Variants in WWOX observed in about 807,000 individuals in gnomAD.
WWOX encodes WW domain containing oxidoreductase, also known as WW domain-containing oxidoreductase.
WWOX carries 69 observed loss-of-function variants against 46.2 expected under a neutral mutation model. That is an observed-to-expected ratio of 1.49 (90% CI 1.23 to 1.82). The LOEUF is 1.82. Among genes scored for constraint, WWOX ranks in the 40% most tolerant of loss-of-function variants. The pLI is 0.00. For synonymous variants in WWOX, 359 were observed against 202.6 expected, an observed-to-expected ratio of 1.77 and a Z score of -6.56; for missense variants, 919 against 542.6, an observed-to-expected ratio of 1.69 and a Z score of -6.89.
At chr16:78,638,044 C>T (rs555650168) in intron 8 of WWOX, among the ~76,000 whole-genome samples, 1 of 152,200 alleles carries the variant, frequency 6.6e-6, no homozygotes, top group Non-Finnish European at 1.5e-5. Flanking sequence ...CTCACATCAT[C>T]CACTTCTCTC....
chr16:78,372,890 T>A (rs1051382906), intron 5 of WWOX, among the ~76,000 whole-genome samples: 16 of 152,218 alleles, frequency 1.1e-4, no homozygotes, highest in African/African-American at 3.9e-4. Flanking sequence ...ACTATGAGGC[T>A]ATTTGGAATA....
intron 8 of WWOX, among the ~76,000 whole-genome samples, chr16:79,029,113 A>G (rs547009648): frequency 2.9e-4 from 44 of 152,316 alleles, no homozygotes; most frequent in Admixed American, 2.4e-3. Context: ...GAGGTATCTC[A>G]GGATAGCAAC....
At chr16:78,458,801 A>G (rs527320260) in intron 8 of WWOX, among the ~76,000 whole-genome samples, 47 of 152,198 alleles carry the variant, frequency 3.1e-4, no homozygotes, top group Non-Finnish European at 3.4e-4. Context: ...GCCACTTTTT[A>G]TCTGTGTGTG....
chr16:79,043,823 C>T (rs1567510245), intron 8 of WWOX, among the ~76,000 whole-genome samples: 1 of 152,200 alleles, frequency 6.6e-6, no homozygotes, highest in Admixed American at 6.5e-5. Context: ...TATTCTAAGA[C>T]AGGCTTAGAT....
intron 8 of WWOX, among the ~76,000 whole-genome samples, chr16:79,132,681 T>C (rs2049904911): frequency 1.3e-5 from 2 of 152,276 alleles, no homozygotes; most frequent in East Asian, 1.9e-4. Context: ...ATTACTTATA[T>C]TGTCGCTTAA....
intron 8 of WWOX, among the ~76,000 whole-genome samples, chr16:79,049,312 A>G (rs754564854): frequency 2.6e-5 from 4 of 152,216 alleles, no homozygotes; most frequent in African/African-American, 4.8e-5. Flanking sequence ...TAATAGTGCA[A>G]GCAGCACGTG....
intron 8 of WWOX, among the ~76,000 whole-genome samples, chr16:78,910,454 C>T (rs756813789): frequency 4.0e-5 from 6 of 151,386 alleles, no homozygotes; most frequent in East Asian, 1.9e-4. Context: ...CTTGTTCATC[C>T]GTATTAGAAC....
chr16:78,682,198 G>A (rs948242214), intron 8 of WWOX, among the ~76,000 whole-genome samples: 5 of 151,986 alleles, frequency 3.3e-5, no homozygotes, highest in African/African-American at 4.8e-5. Flanking sequence ...TGCTACAATC[G>A]CTTGATATTT....
At chr16:79,016,443 G>C (rs2047414280) in intron 8 of WWOX, 2 of 152,216 alleles carry the variant, frequency 1.3e-5, no homozygotes, top group Non-Finnish European at 2.9e-5. Context: ...TTTCTTTTGA[G>C]ACAGAGTCTC....
chr16:78,301,080 T>C (rs1168480562), intron 5 of WWOX, among the ~76,000 whole-genome samples: 1 of 152,192 alleles, frequency 6.6e-6, no homozygotes, highest in Non-Finnish European at 1.5e-5. Flanking sequence ...CAACAAACTT[T>C]ACCCTTAAGG....
intron 8 of WWOX, among the ~76,000 whole-genome samples, chr16:79,122,505 TC>T (rs2049658206): frequency 2.0e-5 from 3 of 152,088 alleles, no homozygotes; most frequent in African/African-American, 7.2e-5. Context: ...TCTTTCTTTT[TC>T]CTTCCCTTCC....
intron 8 of WWOX, among the ~76,000 whole-genome samples, chr16:78,470,887 A>T (rs1187265162): frequency 1.3e-5 from 2 of 152,178 alleles, no homozygotes; most frequent in Non-Finnish European, 2.9e-5. Context: ...CTTCTACTCT[A>T]CAGGCTGGAA....
chr16:79,077,948 T>A (rs2048690811), intron 8 of WWOX: 1 of 152,152 alleles, frequency 6.6e-6, no homozygotes, highest in Non-Finnish European at 1.5e-5. Flanking sequence ...CCTGACCCCT[T>A]CTTCTCCAGG....
At chr16:78,105,649 T>C (rs990991759) in intron 1 of WWOX, among the ~76,000 whole-genome samples, 4 of 152,166 alleles carry the variant, frequency 2.6e-5, no homozygotes, top group Admixed American at 6.5e-5. Flanking sequence ...GTATTCATTC[T>C]GTTTGTTTAC....
chr16:78,357,975 G>C (rs999368546), intron 5 of WWOX, among the ~76,000 whole-genome samples: 6 of 152,152 alleles, frequency 3.9e-5, no homozygotes, highest in Non-Finnish European at 8.8e-5. Flanking sequence ...TGATACAACT[G>C]GGGACCTGTT....
intron 4 of WWOX, among the ~76,000 whole-genome samples, chr16:78,153,430 A>T (rs2151723635): frequency 6.6e-6 from 1 of 152,286 alleles, no homozygotes; most frequent in East Asian, 1.9e-4. Flanking sequence ...GTTAATACAA[A>T]AACAGTCCCC....
At chr16:78,690,507 G>A (rs1037961742) in intron 8 of WWOX, among the ~76,000 whole-genome samples, 11 of 152,122 alleles carry the variant, frequency 7.2e-5, no homozygotes, top group Non-Finnish European at 7.4e-5. Context: ...GGCCATGATC[G>A]TGACACTGTA....
At chr16:78,637,477 C>T (rs1285880982) in intron 8 of WWOX, among the ~76,000 whole-genome samples, 1 of 151,880 alleles carries the variant, frequency 6.6e-6, no homozygotes, top group Non-Finnish European at 1.5e-5. Flanking sequence ...CCCCACGTTA[C>T]AGATGAGGCT....
At chr16:79,190,738 G>A (rs113900236) in intron 8 of WWOX, among the ~76,000 whole-genome samples, 1,807 of 152,306 alleles carry the variant, frequency 0.012, 45 homozygotes, top group African/African-American at 0.04. Context: ...TGTAAATAAA[G>A]TTTTATTGGA....
Sources: allele counts gnomAD v4.1 joint callset (sites outside exome capture counted in the v4.1 genomes callset), GRCh38; gene constraint gnomAD v4.1.1; transcripts MANE v1.5; gene names NCBI Gene and HGNC (gene_info 2026-07-23, HGNC 2026-07-21).